RLN2: variants seen among roughly 807,000 people sequenced by gnomAD.
RLN2 encodes relaxin 2.
In RLN2, 10 loss-of-function variants were observed where a neutral mutation model predicts 7.3. That is an observed-to-expected ratio of 1.36 (90% CI 0.84 to 2.31). The LOEUF is 2.31. RLN2 is among the 30% of genes most tolerant of loss of function. RLN2 has a pLI of 0.00. For missense variants in RLN2, 298 were observed against 217.6 expected (o/e 1.37, Z -2.32); for synonymous variants, 103 against 82.3 (o/e 1.25, Z -1.36).
chr9:5,311,466 G>A, the RLN2 span: 2 of 637,030 alleles, frequency 3.1e-6, no homozygotes, highest in Admixed American at 5.0e-5. Flanking sequence ...AAAGGCTGAA[G>A]GGGATGTTAA....
upstream of RLN2, among the ~76,000 whole-genome samples, chr9:5,307,302 TAGATAGATGATA>T (rs1217858504): frequency 1.4e-5 from 2 of 144,460 alleles, no homozygotes; most frequent in South Asian, 2.2e-4. Flanking sequence ...GATAGATAGA[TAGATAGATGATA>T]GATAGATAGT....
the RLN2 span, among the ~76,000 whole-genome samples, chr9:5,329,387 A>T: frequency 2.0e-5 from 3 of 151,400 alleles, no homozygotes; most frequent in Non-Finnish European, 4.4e-5. Flanking sequence ...TAATGATGGG[A>T]TCAAATTTAA....
At chr9:5,316,270 TTTG>T in the RLN2 span, among the ~76,000 whole-genome samples, 12 of 152,012 alleles carry the variant, frequency 7.9e-5, no homozygotes, top group Non-Finnish European at 1.8e-4. Context: ...CTTCTGCTTT[TTTG>T]TTATTACTTT....
chr9:5,311,033 G>A, the RLN2 span, among the ~76,000 whole-genome samples: 7 of 152,060 alleles, frequency 4.6e-5, no homozygotes, highest in Non-Finnish European at 1.0e-4. Flanking sequence ...TCTAGCAAGA[G>A]CTAGATCTCA....
At chr9:5,309,324 A>C (rs1277340938), upstream of RLN2, among the ~76,000 whole-genome samples, 1 of 152,044 alleles carries the variant, frequency 6.6e-6, no homozygotes, top group Non-Finnish European at 1.5e-5. Context: ...TACAGAAATC[A>C]TGATCCTTTT....
chr9:5,317,833 C>T, the RLN2 span, among the ~76,000 whole-genome samples: 2 of 151,938 alleles, frequency 1.3e-5, no homozygotes, highest in Non-Finnish European at 2.9e-5. Context: ...ACTAAAACCA[C>T]ACTAAGATAC....
At chr9:5,325,213 G>T in the RLN2 span, among the ~76,000 whole-genome samples, 1 of 151,924 alleles carries the variant, frequency 6.6e-6, no homozygotes, top group African/African-American at 2.4e-5. Flanking sequence ...AAGTATACAA[G>T]CTTAGTGTTC....
chr9:5,304,729 T>C (rs1392507891), upstream of RLN2: 3 of 748,610 alleles, frequency 4.0e-6, no homozygotes, highest in East Asian at 5.3e-5. Flanking sequence ...TCCCTTGGGC[T>C]ATCACTCAGC....
the RLN2 span, chr9:5,334,833 A>G: frequency 6.5e-6 from 1 of 154,328 alleles, no homozygotes; most frequent in African/African-American, 2.4e-5. Context: ...TGCAACAAAA[A>G]CCTTTTGAAA....
the RLN2 span, among the ~76,000 whole-genome samples, chr9:5,327,407 A>G: frequency 6.6e-6 from 1 of 152,062 alleles, no homozygotes; most frequent in Admixed American, 6.5e-5. Context: ...AGGAAGCACA[A>G]ACTGGGTGGA....
chr9:5,333,906 TAA>T, the RLN2 span, among the ~76,000 whole-genome samples: 1 of 151,872 alleles, frequency 6.6e-6, no homozygotes, highest in Non-Finnish European at 1.5e-5. Flanking sequence ...TAAACAGAAC[TAA>T]AGACAAAAAC....
At chr9:5,333,613 C>G in the RLN2 span, among the ~76,000 whole-genome samples, 1 of 152,008 alleles carries the variant, frequency 6.6e-6, no homozygotes, top group Non-Finnish European at 1.5e-5. Context: ...GGTACCATTT[C>G]TTCTGAAATG....
chr9:5,324,854 G>A, the RLN2 span, among the ~76,000 whole-genome samples: 1 of 151,980 alleles, frequency 6.6e-6, no homozygotes, highest in Non-Finnish European at 1.5e-5. Context: ...AAACAAAGGT[G>A]AAGACACAAA....
At chr9:5,331,288 A>T in the RLN2 span, among the ~76,000 whole-genome samples, 1 of 151,962 alleles carries the variant, frequency 6.6e-6, no homozygotes, top group Non-Finnish European at 1.5e-5. Context: ...GAGACACAAT[A>T]AAAAAAGAGA....
the RLN2 span, among the ~76,000 whole-genome samples, chr9:5,331,901 GTATT>G: frequency 6.6e-6 from 1 of 151,868 alleles, no homozygotes; most frequent in Non-Finnish European, 1.5e-5. Flanking sequence ...TATGAAAAAT[GTATT>G]TATCCTTGAC....
chr9:5,307,310 T>TA (rs747479807), upstream of RLN2, among the ~76,000 whole-genome samples: 20 of 145,148 alleles, frequency 1.4e-4, no homozygotes, highest in Non-Finnish European at 1.5e-4. Flanking sequence ...GATAGATAGA[T>TA]GATAGATAGA....
At chr9:5,318,007 C>CGTGTGCGTGTGT in the RLN2 span, among the ~76,000 whole-genome samples, 1 of 147,948 alleles carries the variant, frequency 6.8e-6, no homozygotes, top group Non-Finnish European at 1.5e-5. Context: ...TGTGTGTGTG[C>CGTGTGCGTGTGT]GTGTGTGTGT....
the RLN2 span, among the ~76,000 whole-genome samples, chr9:5,330,360 CG>C: frequency 6.6e-6 from 1 of 151,440 alleles, no homozygotes; most frequent in African/African-American, 2.4e-5. Flanking sequence ...TTAGAGAGGC[CG>C]GGTGTGGTGG....
In RLN2 at chr9:5,300,414, G is replaced by A. The variant is rs141747284; in HGVS notation, c.242C>T (p.Thr81Ile). 24 of 1,607,588 alleles carry A rather than the reference G, an allele frequency of 1.5e-5. No individual in the cohort carries two copies. Among genetic ancestry groups the A allele is most frequent in the African/African-American group, 9.4e-5 (7 of 74,384 alleles). Residue 81 changes from threonine to isoleucine, a missense_variant, in exon 2 of 2, where the codon ACA becomes ATA. Coordinates refer to ENST00000381627, the MANE Select transcript of RLN2 (RefSeq NM_134441.3). Reference protein sequence around the residue: ...EIVPSFINKDTETINMMSEFV... With the variant: ...EIVPSFINKDIETINMMSEFV... ...TTCTGACATCATATTTATGGTTTCTGTATCTTTGTTGATGAAGGATGGCAC... is the reference window on the plus strand; with the variant it reads ...TTCTGACATCATATTTATGGTTTCTATATCTTTGTTGATGAAGGATGGCAC...
Sources: allele counts gnomAD v4.1 joint callset (sites outside exome capture counted in the v4.1 genomes callset), GRCh38; gene constraint gnomAD v4.1.1; transcripts MANE v1.5; gene names NCBI Gene and HGNC (gene_info 2026-07-23, HGNC 2026-07-21).